Variants in ADGRL2 observed in about 807,000 individuals in gnomAD.
ADGRL2 encodes the protein adhesion G protein-coupled receptor L2.
ADGRL2 carries 44 observed loss-of-function variants against 157.4 expected under a neutral mutation model. The observed-to-expected ratio is 0.28, with a 90% confidence interval of 0.22 to 0.36. The LOEUF (loss-of-function observed/expected upper bound fraction) is 0.36. Among genes scored for constraint, ADGRL2 ranks in the 10% least tolerant of loss-of-function variants. The probability of loss-of-function intolerance (pLI) is 1.00; values close to 1 mark genes in which losing one functional copy is unlikely to be tolerated. For synonymous variants in ADGRL2, 585 were observed against 624.7 expected (o/e 0.94, Z 0.95); for missense variants, 1,510 against 1,768.9 (o/e 0.85, Z 2.63).
At chr1:81,613,870 A>G (rs2081591615) in intron 3 of ADGRL2, among the ~76,000 whole-genome samples, 1 of 152,194 alleles carries the variant, frequency 6.6e-6, no homozygotes, top group Admixed American at 6.5e-5. Flanking sequence ...CAGATGTGAG[A>G]GCGCATTTTT....
intron 2 of ADGRL2, among the ~76,000 whole-genome samples, chr1:81,466,203 G>A (rs533835930): frequency 2.0e-5 from 3 of 152,132 alleles, no homozygotes; most frequent in African/African-American, 7.2e-5. Context: ...GCAAGGGTCT[G>A]GTTTTAATTT....
At chr1:81,431,828 C>A (rs975739744) in intron 1 of ADGRL2, among the ~76,000 whole-genome samples, 4 of 152,110 alleles carry the variant, frequency 2.6e-5, no homozygotes, top group African/African-American at 9.7e-5. Flanking sequence ...GAATACCTTG[C>A]CCTGCTAATG....
intron 3 of ADGRL2, among the ~76,000 whole-genome samples, chr1:81,908,104 A>G (rs1201495270): frequency 3.3e-5 from 5 of 152,224 alleles, no homozygotes; most frequent in African/African-American, 1.2e-4. Flanking sequence ...ATTCAGTACA[A>G]TAATATGCTA....
chr1:81,894,834 T>G (rs2151493856), intron 2 of ADGRL2, among the ~76,000 whole-genome samples: 1 of 152,258 alleles, frequency 6.6e-6, no homozygotes, highest in East Asian at 1.9e-4. Context: ...AGGCTTAATT[T>G]ACAGCCTTTT....
intron 3 of ADGRL2, among the ~76,000 whole-genome samples, chr1:81,618,492 C>G (rs552691424): frequency 1.3e-5 from 2 of 152,162 alleles, no homozygotes; most frequent in Admixed American, 1.3e-4. Flanking sequence ...GAAAGGGGAC[C>G]ATATTTTTAT....
At chr1:81,863,152 A>G (rs1409227608) in intron 2 of ADGRL2, among the ~76,000 whole-genome samples, 3 of 152,178 alleles carry the variant, frequency 2.0e-5, no homozygotes, top group Non-Finnish European at 4.4e-5. Context: ...GGTGTCAGAC[A>G]TGAATTAGAA....
At chr1:81,463,127 AAAAAAAAG>A (rs1227131218) in intron 2 of ADGRL2, among the ~76,000 whole-genome samples, 1 of 150,718 alleles carries the variant, frequency 6.6e-6, no homozygotes, top group Non-Finnish European at 1.5e-5. Flanking sequence ...AAAAAAAAAA[AAAAAAAAG>A]AAAAAGAAAA....
At chr1:81,968,715 G>C (rs1374958116) in intron 14 of ADGRL2, among the ~76,000 whole-genome samples, 1 of 152,104 alleles carries the variant, frequency 6.6e-6, no homozygotes, top group African/African-American at 2.4e-5. Context: ...TAGCATTTCC[G>C]TCTCAGATCC....
intron 3 of ADGRL2, among the ~76,000 whole-genome samples, chr1:81,690,545 A>G (rs1186042484): frequency 6.6e-6 from 1 of 152,162 alleles, no homozygotes; most frequent in Non-Finnish European, 1.5e-5. Flanking sequence ...TCATCATTTA[A>G]TCCGGGACTA....
intron 1 of ADGRL2, among the ~76,000 whole-genome samples, chr1:81,750,743 AACAG>A (rs138322915): frequency 0.1 from 15,241 of 152,078 alleles, 891 homozygotes; most frequent in African/African-American, 0.15. Flanking sequence ...AAAAACAAAA[AACAG>A]ACAGAGAAAC....
intron 1 of ADGRL2, among the ~76,000 whole-genome samples, chr1:81,357,801 C>T (rs961213713): frequency 2.0e-5 from 3 of 152,150 alleles, no homozygotes; most frequent in East Asian, 1.9e-4. Context: ...GGTCTCCTGG[C>T]TCTAATGTGC....
chr1:81,894,106 T>G (rs2094329705), intron 2 of ADGRL2, among the ~76,000 whole-genome samples: 2 of 152,168 alleles, frequency 1.3e-5, no homozygotes, highest in Admixed American at 1.3e-4. Flanking sequence ...TGGATGGACT[T>G]TCTGTAGTTT....
At chr1:81,664,579 C>T (rs1290472212) in intron 3 of ADGRL2, among the ~76,000 whole-genome samples, 1 of 152,162 alleles carries the variant, frequency 6.6e-6, no homozygotes, top group Non-Finnish European at 1.5e-5. Flanking sequence ...CCCTCCCAGG[C>T]ACAGATTCAA....
intron 1 of ADGRL2, among the ~76,000 whole-genome samples, chr1:81,344,456 C>G (rs1662314904): frequency 6.6e-6 from 1 of 152,048 alleles, no homozygotes; most frequent in Non-Finnish European, 1.5e-5. Context: ...GCATGCGGAT[C>G]ACCTGAGGTC....
chr1:81,974,474 G>A (rs1039025884), intron 17 of ADGRL2, among the ~76,000 whole-genome samples: 7 of 152,194 alleles, frequency 4.6e-5, no homozygotes, highest in African/African-American at 1.4e-4. Flanking sequence ...CTGGCTGCTA[G>A]TCCCAGGGAG....
intron 2 of ADGRL2, among the ~76,000 whole-genome samples, chr1:81,865,304 A>G (rs530465056): frequency 6.6e-6 from 1 of 152,320 alleles, no homozygotes; most frequent in South Asian, 2.1e-4. Flanking sequence ...CCATGTCTGA[A>G]ATCTCCAGTC....
intron 3 of ADGRL2, among the ~76,000 whole-genome samples, chr1:81,599,779 G>A (rs2148627161): frequency 6.6e-6 from 1 of 152,148 alleles, no homozygotes; most frequent in East Asian, 1.9e-4. Flanking sequence ...TTAAGCTTAA[G>A]TGATGTCCAT....
intron 3 of ADGRL2, among the ~76,000 whole-genome samples, chr1:81,610,664 G>A (rs2081523418): frequency 6.6e-6 from 1 of 152,138 alleles, no homozygotes; most frequent in South Asian, 2.1e-4. Flanking sequence ...AGGAATCTGT[G>A]AGACCACTTA....
intron 2 of ADGRL2, among the ~76,000 whole-genome samples, chr1:81,865,221 T>C (rs1057172516): frequency 3.3e-5 from 5 of 152,208 alleles, no homozygotes; most frequent in Non-Finnish European, 7.3e-5. Context: ...AAATTTAATG[T>C]AGTTCTAACT....
Sources: gnomAD v4.1 joint callset for allele counts (sites outside exome capture counted in the v4.1 genomes callset) on GRCh38, gnomAD v4.1.1 for gene constraint, MANE v1.5 for transcripts, NCBI Gene and HGNC (gene_info 2026-07-23, HGNC 2026-07-21) for gene names.